FGD5: variants seen among roughly 807,000 people sequenced by gnomAD.
FGD5 encodes the protein FYVE, RhoGEF and PH domain containing 5.
In FGD5, 28 loss-of-function variants were observed where a neutral mutation model predicts 133.4. The observed-to-expected ratio is 0.21, with a 90% confidence interval of 0.16 to 0.29. The LOEUF (loss-of-function observed/expected upper bound fraction) is 0.29, where lower values mean the gene tolerates loss of function less well. Among genes scored for constraint, FGD5 ranks in the 10% least tolerant of loss-of-function variants. FGD5 has a pLI of 1.00. For missense variants in FGD5, 1,858 were observed against 1,895.2 expected (o/e 0.98, Z 0.36); for synonymous variants, 810 against 776.5 (o/e 1.04, Z -0.72).
intron 1 of FGD5, among the ~76,000 whole-genome samples, chr3:14,850,746 G>A (rs1420002416): frequency 6.6e-6 from 1 of 151,350 alleles, no homozygotes. Flanking sequence ...AGAGACAGAA[G>A]GCTTCTTGGA....
At chr3:14,910,624 A>C (rs1156844551) in intron 10 of FGD5, among the ~76,000 whole-genome samples, 3 of 152,164 alleles carry the variant, frequency 2.0e-5, no homozygotes, top group Non-Finnish European at 2.9e-5. Context: ...GTCTTTCAGG[A>C]CTATGATCCA....
At chr3:14,876,459 T>A (rs1034508944) in intron 2 of FGD5, among the ~76,000 whole-genome samples, 14 of 152,210 alleles carry the variant, frequency 9.2e-5, no homozygotes, top group African/African-American at 3.1e-4. Flanking sequence ...TTGAAACATC[T>A]TTTAATGCAT....
Position 14,910,845 on chromosome 3 carries a change from G to A in FGD5, c.3337-16G>A, listed in dbSNP as rs1011158069. 6.2e-7 allele frequency: 1 copy of A among 1,611,912 alleles called. No individual in the cohort carries two copies. The highest frequency in any genetic ancestry group is 1.7e-5 in the Admixed American group (1 of 59,782). Reference sequence around the variant, plus strand: ...GGCATCAGCCTGACCGCCAAGTTCTGCTTCTCTCCCCACAGGAGTTTCTGA... The same window carrying A: ...GGCATCAGCCTGACCGCCAAGTTCTACTTCTCTCCCCACAGGAGTTTCTGA... On this transcript the variant is annotated splice_polypyrimidine_tract_variant and intron_variant, in intron 10 of 19. Transcript: ENST00000285046.
chr3:14,909,810 G>T (rs148422658), intron 10 of FGD5, among the ~76,000 whole-genome samples: 1 of 148,978 alleles, frequency 6.7e-6, no homozygotes, highest in Non-Finnish European at 1.5e-5. Context: ...GCCCAGACTG[G>T]AGTGCAGAGT....
intron 1 of FGD5, among the ~76,000 whole-genome samples, chr3:14,827,248 T>G (rs940856161): frequency 6.6e-6 from 1 of 152,008 alleles, no homozygotes; most frequent in Non-Finnish European, 1.5e-5. Flanking sequence ...CTACCTGTTT[T>G]CTGTGGTCGC....
In FGD5 at chr3:14,923,015, G is replaced by C. The variant is rs754806771; in HGVS notation, c.3808-31G>C. ...CAGGTCTCCTTTGCATGCACTGAGAGGGGTGAGAATCTTCCCACCTGGGCC... is the reference window on the plus strand; with the variant it reads ...CAGGTCTCCTTTGCATGCACTGAGACGGGTGAGAATCTTCCCACCTGGGCC... On this transcript the variant is annotated intron_variant, in intron 15 of 19. Transcript: ENST00000285046. The C allele has an allele frequency of 9.9e-6, 16 of 1,613,448 alleles. No homozygotes were observed. In the Admixed American group the frequency reaches 1.8e-4, roughly 18 times the overall value.
intron 4 of FGD5, among the ~76,000 whole-genome samples, chr3:14,887,484 T>C (rs2125123674): frequency 6.6e-6 from 1 of 151,840 alleles, no homozygotes; most frequent in African/African-American, 2.4e-5. Context: ...CAGTGTACCT[T>C]GATCGTACCT....
chr3:14,844,356 C>T, intron 1 of FGD5, among the ~76,000 whole-genome samples: 1 of 145,442 alleles, frequency 6.9e-6, no homozygotes, highest in Non-Finnish European at 1.5e-5. Flanking sequence ...GTAACAGACT[C>T]CCCCAGGCAC....
intron 1 of FGD5, among the ~76,000 whole-genome samples, chr3:14,861,562 A>G (rs1271325224): frequency 6.6e-6 from 1 of 152,198 alleles, no homozygotes; most frequent in East Asian, 1.9e-4. Context: ...GAGGCAGTGT[A>G]TGTCAGCTCA....
Position 14,819,475 on chromosome 3 carries a change from G to A in FGD5, c.404G>A (p.Gly135Asp). ...GGTGCAGGAGCGCTGAGCAGGGAGG[G>A]TGAGGAAGGCACAGACCTTGCTCTT... is the stretch of plus-strand genomic sequence containing the variant. Reference protein sequence around the residue: ...APGAGALSREGEEGTDLALED... With the variant: ...APGAGALSREDEEGTDLALED... The change falls in exon 1 of 20, where the codon GGT becomes GAT. Residue 135 changes from glycine (G) to aspartate (D), a missense_variant. Physicochemically the swap from Gly to Asp is moderately conservative, Grantham distance 94 (BLOSUM62 -1). Coordinates refer to ENST00000285046, the MANE Select transcript of FGD5 (RefSeq NM_152536.4). The surrounding 1 kb of genome is among the most constrained non-coding windows in gnomAD (Gnocchi z 4.1). 1 of 1,551,338 alleles carries A rather than the reference G, an allele frequency of 6.4e-7. No individual in the cohort carries two copies. Among genetic ancestry groups the A allele is most frequent in the Non-Finnish European group, 8.7e-7 (1 of 1,146,956 alleles).
At chr3:14,863,825 G>A (rs1559484592) in intron 1 of FGD5, among the ~76,000 whole-genome samples, 1 of 152,236 alleles carries the variant, frequency 6.6e-6, no homozygotes, top group Non-Finnish European at 1.5e-5. Context: ...AGACCACCCA[G>A]ATTCAACATC....
intron 2 of FGD5, among the ~76,000 whole-genome samples, chr3:14,878,602 G>A (rs1204783641): frequency 6.6e-6 from 1 of 152,132 alleles, no homozygotes; most frequent in Non-Finnish European, 1.5e-5. Context: ...ATGCATGTGT[G>A]CTGGATACTA....
intron 11 of FGD5, among the ~76,000 whole-genome samples, chr3:14,911,766 G>A (rs926782473): frequency 4.7e-5 from 7 of 148,274 alleles, no homozygotes; most frequent in African/African-American, 1.8e-4. Flanking sequence ...AGAGTTATGA[G>A]CGCGATATGG....
At chr3:14,818,939 C>G (rs1575184549), upstream of FGD5, 15 of 1,438,348 alleles carry the variant, frequency 1.0e-5, no homozygotes, top group Non-Finnish European at 1.4e-5. Context: ...CTCCTTTTCT[C>G]TATTTTTGTC....
At chr3:14,900,342 T>C in intron 7 of FGD5, 61 bp from the exon 8 acceptor site, 2 of 1,563,738 alleles carry the variant, frequency 1.3e-6, no homozygotes, top group East Asian at 4.5e-5. Flanking sequence ...GTGGCCACAG[T>C]TGTGGGCAGG....
chr3:14,933,357 A>G lies in FGD5; in HGVS notation c.*190A>G. 1 of 638,686 alleles carries G rather than the reference A, an allele frequency of 1.6e-6. No homozygotes were observed. The highest frequency in any genetic ancestry group is 2.8e-5 in the East Asian group (1 of 36,124). 39.6% of individuals were successfully genotyped at this position (638,686 alleles called of 1,614,324 possible). On this transcript the variant is annotated 3_prime_UTR_variant, in exon 20 of 20. Coordinates refer to ENST00000285046, the MANE Select transcript of FGD5 (RefSeq NM_152536.4). ...TCTTCATGAATGGAATCCTTAAGGG[A>G]TATTTATGGACCTCTCCTTTTCTGT...
intron 4 of FGD5, among the ~76,000 whole-genome samples, chr3:14,882,064 T>C (rs2037835499): frequency 6.6e-6 from 1 of 152,226 alleles, no homozygotes. Context: ...CCCCTCATTT[T>C]TGTGCCCTCA....
At chr3:14,815,579 G>A (rs1559464419), upstream of FGD5, among the ~76,000 whole-genome samples, 1 of 152,184 alleles carries the variant, frequency 6.6e-6, no homozygotes, top group Non-Finnish European at 1.5e-5. Context: ...ATTAGACTAA[G>A]AGAAATTGAA....
intron 2 of FGD5, among the ~76,000 whole-genome samples, chr3:14,865,651 TACA>T (rs941780439): frequency 6.6e-6 from 1 of 152,202 alleles, no homozygotes; most frequent in African/African-American, 2.4e-5. Flanking sequence ...CTTGACTCCT[TACA>T]ACAACTTCAA....
Sources: gnomAD v4.1 joint callset for allele counts (sites outside exome capture counted in the v4.1 genomes callset) on GRCh38, gnomAD v4.1.1 for gene constraint, Gnocchi (gnomAD v3.1) non-coding constraint, MANE v1.5 for transcripts, NCBI Gene and HGNC (gene_info 2026-07-23, HGNC 2026-07-21) for gene names.